Variants in LRRC69 observed in about 807,000 individuals in gnomAD.
LRRC69 encodes leucine rich repeat containing 69, also known as leucine-rich repeat-containing protein 69.
A neutral mutation model predicts 37.8 loss-of-function variants in LRRC69; 42 were observed. The observed-to-expected ratio is 1.11, with a 90% CI of 0.87 to 1.44. The LOEUF is 1.44. LRRC69 is among the 40% of genes most tolerant of loss of function. The pLI, the probability that LRRC69 is intolerant of heterozygous loss-of-function variation, is 0.00. For synonymous variants in LRRC69, 141 were observed against 143.1 expected, an observed-to-expected ratio of 0.99 and a Z score of 0.11; for missense variants, 357 against 401.9, an observed-to-expected ratio of 0.89 and a Z score of 0.96.
At chr8:91,106,705 G>A (rs1813318890) in intron 1 of LRRC69, among the ~76,000 whole-genome samples, 1 of 151,952 alleles carries the variant, frequency 6.6e-6, no homozygotes, top group South Asian at 2.1e-4. Context: ...AGGGTATGGT[G>A]TTCAATTTAT....
intron 5 of LRRC69, among the ~76,000 whole-genome samples, chr8:91,178,616 A>G (rs531628314): frequency 6.6e-6 from 1 of 152,328 alleles, no homozygotes; most frequent in South Asian, 2.1e-4. Flanking sequence ...AAAGATGATG[A>G]AAGTCCCTGA....
At position 91,197,679 on chromosome 8, in the gene LRRC69, GC is replaced by G. The variant is rs1284463550; in HGVS notation, c.754-2933del. Among the ~76,000 whole-genome samples the G allele has an allele frequency of 2.0e-5, 3 of 152,154 alleles. No homozygotes were observed. In the East Asian group the frequency reaches 5.8e-4, roughly 29 times the overall value. On this transcript the variant is annotated intron_variant, in intron 6 of 7. Transcript: ENST00000448384. Reference sequence around the variant, plus strand: ...TGACCCCTTGCGCTTCCCGAGTGAGGCAATGCCTCACCCTGCTTCGGCTCGC... The same window carrying G: ...TGACCCCTTGCGCTTCCCGAGTGAGGAATGCCTCACCCTGCTTCGGCTCGC...
chr8:91,173,892 G>A lies in LRRC69; in HGVS notation c.652-15630G>A, dbSNP rs190754699. On this transcript the variant is annotated intron_variant, in intron 5 of 7. Transcript: ENST00000448384. The stretch of plus-strand genomic sequence containing the variant: ...ATACTGGGGATTGTTTCAACATAAC[G>A]AATTTTTGGGGGACACAAACATTCA... Among the ~76,000 whole-genome samples the A allele has an allele frequency of 5.9e-5, 9 of 151,294 alleles. No individual in the cohort carries two copies. In the East Asian group the frequency reaches 1.4e-3, roughly 23 times the overall value.
At chr8:91,174,250 T>TTAAG (rs1809187092) in intron 5 of LRRC69, among the ~76,000 whole-genome samples, 1 of 152,148 alleles carries the variant, frequency 6.6e-6, no homozygotes, top group African/African-American at 2.4e-5. Context: ...TAGTCTACTA[T>TTAAG]TAAGTACAGA....
At chr8:91,189,436 T>A in intron 5 of LRRC69, 86 bp from the exon 6 acceptor site, 3 of 910,386 alleles carry the variant, frequency 3.3e-6, no homozygotes, top group Non-Finnish European at 5.0e-6. Context: ...AATAAAGTAA[T>A]TTCAGTTTAA....
intron 5 of LRRC69, among the ~76,000 whole-genome samples, chr8:91,149,462 G>C (rs1808687612): frequency 6.6e-6 from 1 of 152,004 alleles, no homozygotes; most frequent in Admixed American, 6.6e-5. Context: ...TTTGGTACCA[G>C]TACCATGCTG....
At chr8:91,127,601 CAAAAAAAAA>C (rs554876868) in intron 3 of LRRC69, among the ~76,000 whole-genome samples, 12 of 66,572 alleles carry the variant, frequency 1.8e-4, no homozygotes, top group African/African-American at 5.7e-4. Context: ...TGTCATTAAC[CAAAAAAAAA>C]AAAAAAAAAA....
At chr8:91,195,875 G>T (rs1484398998) in intron 6 of LRRC69, among the ~76,000 whole-genome samples, 5 of 152,114 alleles carry the variant, frequency 3.3e-5, no homozygotes, top group African/African-American at 1.2e-4. Flanking sequence ...GTGTGAATTT[G>T]ATCCTGTCAT....
At chr8:91,171,900 T>A (rs1809138808) in intron 5 of LRRC69, among the ~76,000 whole-genome samples, 1 of 151,942 alleles carries the variant, frequency 6.6e-6, no homozygotes, top group Non-Finnish European at 1.5e-5. Flanking sequence ...TTTTCCATTT[T>A]AAAAATGTGT....
intron 5 of LRRC69, among the ~76,000 whole-genome samples, chr8:91,171,370 A>T (rs1809128628): frequency 2.0e-5 from 3 of 151,796 alleles, no homozygotes; most frequent in Admixed American, 2.0e-4. Context: ...AATATCTAAG[A>T]TTTTTTCACC....
At chr8:91,158,356 T>A in intron 5 of LRRC69, 1 of 1,446,566 alleles carries the variant, frequency 6.9e-7, no homozygotes, top group African/African-American at 1.4e-5. Flanking sequence ...AGAATGAATC[T>A]TGGTATTTAG....
intron 5 of LRRC69, among the ~76,000 whole-genome samples, chr8:91,163,848 TATTGGC>T (rs1438851664): frequency 6.6e-6 from 1 of 151,410 alleles, no homozygotes; most frequent in Admixed American, 6.6e-5. Context: ...GCTCTAATTT[TATTGGC>T]CACACTTTTC....
chr8:91,102,825 A>G, exon 1 of LRRC69: 2 of 1,547,204 alleles, frequency 1.3e-6, no homozygotes, highest in Non-Finnish European at 1.7e-6. Context: ...GTGTGTCCAG[A>G]GTTATGCAAC....
chr8:91,189,923 T>C (rs1011688114), intron 6 of LRRC69, among the ~76,000 whole-genome samples: 2 of 152,336 alleles, frequency 1.3e-5, no homozygotes, highest in African/African-American at 4.8e-5. Context: ...GATGTATTGA[T>C]TTGTTCTTAG....
chr8:91,135,266 GCTCTTT>G (rs1020176340), intron 4 of LRRC69, among the ~76,000 whole-genome samples: 2 of 152,046 alleles, frequency 1.3e-5, no homozygotes, highest in African/African-American at 4.8e-5. Flanking sequence ...CTAGCTGTTA[GCTCTTT>G]CAGTAACTTA....
At chr8:91,124,153 A>G (rs1417424701) in intron 1 of LRRC69, among the ~76,000 whole-genome samples, 5 of 151,982 alleles carry the variant, frequency 3.3e-5, no homozygotes, top group African/African-American at 1.2e-4. Context: ...TTGATTCTAT[A>G]GGTCACAAGG....
intron 5 of LRRC69, among the ~76,000 whole-genome samples, chr8:91,139,495 G>A (rs1475326548): frequency 7.0e-5 from 10 of 142,442 alleles, no homozygotes; most frequent in Non-Finnish European, 1.5e-4. Flanking sequence ...GGCTGGTTGC[G>A]AACTCCTGAC....
At chr8:91,149,337 A>G (rs1808684245) in intron 5 of LRRC69, among the ~76,000 whole-genome samples, 2 of 152,200 alleles carry the variant, frequency 1.3e-5, no homozygotes, top group East Asian at 3.9e-4. Flanking sequence ...TTTATTAAAT[A>G]GGGAATCCTT....
chr8:91,196,874 A>G (rs1020242138), intron 6 of LRRC69, among the ~76,000 whole-genome samples: 8 of 152,052 alleles, frequency 5.3e-5, no homozygotes, highest in Non-Finnish European at 1.0e-4. Flanking sequence ...GCTTTGTTCC[A>G]TTGCTGGTGA....
Sources: gnomAD v4.1 joint callset for allele counts (sites outside exome capture counted in the v4.1 genomes callset) on GRCh38, gnomAD v4.1.1 for gene constraint, MANE v1.5 for transcripts, NCBI Gene and HGNC (gene_info 2026-07-23, HGNC 2026-07-21) for gene names.